COX16: variants seen among roughly 807,000 people sequenced by gnomAD.
The protein encoded by COX16 is cytochrome c oxidase assembly factor COX16.
Under a neutral mutation model 15.4 loss-of-function variants are expected in COX16, and 12 were observed. That is an observed-to-expected ratio of 0.78 (90% CI 0.50 to 1.26). The LOEUF is 1.26. Ranked by LOEUF, COX16 falls within the 50% of genes most tolerant of loss-of-function variation. COX16 has a pLI of 0.00. For synonymous variants in COX16, 46 were observed against 41.1 expected (o/e 1.12, Z -0.46); for missense variants, 124 against 127.6 (o/e 0.97, Z 0.14).
rs191032244 is a variant in COX16 at position 70,326,510 on chromosome 14, G to A, written c.205-61C>T. On this transcript the variant is annotated intron_variant, in intron 3 of 3. Coordinates refer to ENST00000389912, the MANE Select transcript of COX16 (RefSeq NM_016468.7). ...GTATAAGAGCCTGTGGCTTTGATTA[G>A]GACACAACTAACTCAATGAATAAAT... 56 of 1,320,964 alleles carry A rather than the reference G, an allele frequency of 4.2e-5. No individual in the cohort carries two copies. The African/African-American group carries it at 6.1e-4, about 14-fold the overall frequency. The allele number at this position is 1,320,964 out of a possible 1,614,324, so 81.8% of individuals were successfully genotyped here.
intron 2 of COX16, among the ~76,000 whole-genome samples, chr14:70,334,465 C>CTGCTG (rs1886385393): frequency 6.6e-6 from 1 of 152,118 alleles, no homozygotes; most frequent in Non-Finnish European, 1.5e-5. Context: ...GGCAGTGAGC[C>CTGCTG]GAGATTGCAC....
intron 2 of COX16, among the ~76,000 whole-genome samples, chr14:70,340,217 T>G (rs971335592): frequency 6.6e-6 from 1 of 152,194 alleles, no homozygotes; most frequent in Admixed American, 6.5e-5. Context: ...TATAAGGGAT[T>G]TCCCCCTTTG....
chr14:70,337,474 T>TGCAGAAAAAAGGATAA (rs1886490876), intron 2 of COX16, among the ~76,000 whole-genome samples: 1 of 151,972 alleles, frequency 6.6e-6, no homozygotes, highest in Admixed American at 6.5e-5. Context: ...CTATCTGCAT[T>TGCAGAAAAAAGGATAA]GCAGAAAAAA....
chr14:70,344,533 G>A (rs190995222), intron 1 of COX16, among the ~76,000 whole-genome samples: 59 of 152,304 alleles, frequency 3.9e-4, no homozygotes, highest in African/African-American at 1.4e-3. Context: ...TGACCACAAG[G>A]AGAAACTCAC....
chr14:70,342,739 A>C lies in COX16; in HGVS notation c.70-10T>G. The C allele has an allele frequency of 6.2e-7, 1 of 1,611,022 alleles. No homozygotes were observed. Among genetic ancestry groups the C allele is most frequent in the Non-Finnish European group, 8.5e-7 (1 of 1,179,192 alleles). On this transcript the variant is annotated splice_polypyrimidine_tract_variant and intron_variant, in intron 1 of 3. Transcript: ENST00000389912. ...CTCCAACAATCAGCAACTAAAACAA[A>C]GAAAGGAAACATTTAAGCAAAACAG...
intron 1 of COX16, among the ~76,000 whole-genome samples, chr14:70,354,841 C>CGTGTGTGTGG (rs1555345909): frequency 6.7e-6 from 1 of 148,880 alleles, no homozygotes; most frequent in African/African-American, 2.5e-5. Context: ...TGTGTGTGTG[C>CGTGTGTGTGG]GTGTGTGTGT....
At chr14:70,351,678 A>C (rs1483067353) in intron 1 of COX16, among the ~76,000 whole-genome samples, 1 of 152,192 alleles carries the variant, frequency 6.6e-6, no homozygotes, top group Non-Finnish European at 1.5e-5. Flanking sequence ...GTATGCAGCT[A>C]TAGTTAATTT....
intron 1 of COX16, among the ~76,000 whole-genome samples, chr14:70,355,170 ACT>A (rs1887089408): frequency 6.6e-6 from 1 of 151,986 alleles, no homozygotes; most frequent in African/African-American, 2.4e-5. Context: ...TGCTCTTCCT[ACT>A]CTCTCTTAGA....
chr14:70,354,427 G>A (rs1887062063), intron 1 of COX16, among the ~76,000 whole-genome samples: 3 of 152,170 alleles, frequency 2.0e-5, no homozygotes, highest in African/African-American at 7.2e-5. Context: ...CAAACCTCAA[G>A]GGAGAAGAGG....
At chr14:70,343,804 G>C (rs146520271) in intron 1 of COX16, among the ~76,000 whole-genome samples, 1 of 152,156 alleles carries the variant, frequency 6.6e-6, no homozygotes, top group African/African-American at 2.4e-5. Flanking sequence ...TTCACCTTGC[G>C]TGCTACCTAG....
chr14:70,327,887 A>G (rs2140671748), intron 3 of COX16, among the ~76,000 whole-genome samples: 1 of 152,186 alleles, frequency 6.6e-6, no homozygotes. Flanking sequence ...TTCACAGCCA[A>G]CTGGTATAGG....
chr14:70,329,143 A>AT, intron 3 of COX16, 31 bp downstream of exon 3: 1 of 1,582,726 alleles, frequency 6.3e-7, no homozygotes, highest in African/African-American at 1.4e-5. Flanking sequence ...ACTGATTGTT[A>AT]TAAGACAGAG....
chr14:70,326,474 T>G, intron 3 of COX16, 25 bp from the exon 4 acceptor site: 1 of 1,542,892 alleles, frequency 6.5e-7, no homozygotes, highest in East Asian at 2.3e-5. Flanking sequence ...AAAATTAAAG[T>G]ATAAATATTA....
intron 2 of COX16, among the ~76,000 whole-genome samples, chr14:70,335,325 TA>T (rs1886416877): frequency 6.6e-6 from 1 of 152,196 alleles, no homozygotes; most frequent in South Asian, 2.1e-4. Flanking sequence ...ACATTAAAGT[TA>T]AACTCTACCC....
At chr14:70,327,009 G>C (rs77227526) in intron 3 of COX16, among the ~76,000 whole-genome samples, 423 of 152,294 alleles carry the variant, frequency 2.8e-3, no homozygotes, top group African/African-American at 9.7e-3. Flanking sequence ...CCTTCATTTA[G>C]TCTGAAGTAC....
At chr14:70,345,276 TC>T (rs1018376534) in intron 1 of COX16, among the ~76,000 whole-genome samples, 1 of 152,224 alleles carries the variant, frequency 6.6e-6, no homozygotes, top group African/African-American at 2.4e-5. Context: ...CCAGTGTTGG[TC>T]CAAGAAGGCG....
intron 1 of COX16, among the ~76,000 whole-genome samples, chr14:70,343,061 AAAAC>A (rs2140721987): frequency 7.6e-6 from 1 of 131,646 alleles, no homozygotes; most frequent in South Asian, 2.4e-4. Flanking sequence ...AACAAAAACA[AAAAC>A]AAATTCAACA....
intron 1 of COX16, among the ~76,000 whole-genome samples, chr14:70,348,812 G>A (rs1886858243): frequency 1.3e-5 from 2 of 152,180 alleles, no homozygotes; most frequent in Admixed American, 1.3e-4. Flanking sequence ...GCTCCTTCAA[G>A]CTGCCAGACT....
Position 70,359,535 on chromosome 14 carries a change from T to C in COX16, c.53A>G (p.Tyr18Cys), listed in dbSNP as rs755754475. The change falls in exon 1 of 4, where the codon TAT (tyrosine) becomes TGT (cysteine). Residue 18 changes from tyrosine (Y) to cysteine (C), a missense_variant. By Grantham distance (194) the Tyr-to-Cys change is radical. Coordinates refer to ENST00000389912, the MANE Select transcript of COX16 (RefSeq NM_016468.7). ...RAFRKNKTLG[Y>C]GVPMLLLIVG... is the part of the protein sequence containing the mutation. ...TCCACTCACCAACATGGGGACTCCA[T>C]AGCCGAGAGTCTTGTTCTTGCGAAA... 3.1e-6 allele frequency: 5 copies of C among 1,614,020 alleles called. No individual in the cohort carries two copies. Among genetic ancestry groups the C allele is most frequent in the South Asian group, 1.1e-5 (1 of 91,070 alleles).
Sources: gnomAD v4.1 joint callset for allele counts (sites outside exome capture counted in the v4.1 genomes callset) on GRCh38, gnomAD v4.1.1 for gene constraint, MANE v1.5 for transcripts, NCBI Gene and HGNC (gene_info 2026-07-23, HGNC 2026-07-21) for gene names.